Variants in SPAG16 observed in about 807,000 individuals in gnomAD.
SPAG16 encodes the protein sperm-associated antigen 16 protein.
A neutral mutation model predicts 80.4 loss-of-function variants in SPAG16; 86 were observed. The observed-to-expected ratio is 1.07, with a 90% CI of 0.90 to 1.28. The LOEUF (loss-of-function observed/expected upper bound fraction) is 1.28. Ranked by LOEUF, SPAG16 falls within the 50% of genes most tolerant of loss-of-function variation. The probability of loss-of-function intolerance (pLI) is 0.00; values close to 1 mark genes in which losing one functional copy is unlikely to be tolerated. For missense variants in SPAG16, 870 were observed against 765.3 expected, an observed-to-expected ratio of 1.14 and a Z score of -1.61; for synonymous variants, 294 against 265.9, an observed-to-expected ratio of 1.11 and a Z score of -1.03.
At chr2:213,351,520 A>G (rs1191724383) in intron 7 of SPAG16, among the ~76,000 whole-genome samples, 1 of 152,198 alleles carries the variant, frequency 6.6e-6, no homozygotes, top group Non-Finnish European at 1.5e-5. Context: ...TACCTTTGGC[A>G]TAAAAATTTA....
intron 15 of SPAG16, among the ~76,000 whole-genome samples, chr2:214,246,680 A>G (rs114619851): frequency 0.016 from 2,478 of 152,230 alleles, 41 homozygotes; most frequent in African/African-American, 0.037. Context: ...CTGCAGCCAC[A>G]GGAGAGACTT....
intron 11 of SPAG16, among the ~76,000 whole-genome samples, chr2:213,917,817 T>C (rs539661726): frequency 1.3e-5 from 2 of 152,144 alleles, no homozygotes; most frequent in East Asian, 1.9e-4. Context: ...TTTTGTAGAG[T>C]AGGGATGGTG....
At chr2:213,902,967 A>G (rs1002938998) in intron 11 of SPAG16, among the ~76,000 whole-genome samples, 2 of 152,216 alleles carry the variant, frequency 1.3e-5, no homozygotes, top group South Asian at 2.1e-4. Flanking sequence ...TAAAATGTCA[A>G]GATGATCTCC....
chr2:214,217,853 C>A (rs886086009), intron 15 of SPAG16, among the ~76,000 whole-genome samples: 1 of 152,158 alleles, frequency 6.6e-6, no homozygotes, highest in African/African-American at 2.4e-5. Flanking sequence ...GTTAGACATT[C>A]TGAAGTGCTT....
intron 15 of SPAG16, among the ~76,000 whole-genome samples, chr2:214,367,093 A>G (rs1699525730): frequency 6.6e-6 from 1 of 152,142 alleles, no homozygotes; most frequent in East Asian, 1.9e-4. Flanking sequence ...CAGGATTGGA[A>G]AGTTGGCAGA....
intron 5 of SPAG16, among the ~76,000 whole-genome samples, chr2:213,326,810 ATCAT>A (rs2063862349): frequency 6.6e-6 from 1 of 152,028 alleles, no homozygotes; most frequent in South Asian, 2.1e-4. Flanking sequence ...TTATTAAATG[ATCAT>A]TCAAAAATAC....
chr2:214,355,916 C>T (rs1348025893), intron 15 of SPAG16, among the ~76,000 whole-genome samples: 4 of 148,636 alleles, frequency 2.7e-5, no homozygotes, highest in East Asian at 4.0e-4. Context: ...AGTAAACTAT[C>T]GCAAGGACAA....
intron 3 of SPAG16, chr2:213,302,647 G>GTATGTGTGTGTGTGTA (rs34440269): frequency 6.7e-6 from 1 of 148,426 alleles, no homozygotes; most frequent in African/African-American, 2.5e-5. Context: ...GTGTGTGTGT[G>GTATGTGTGTGTGTGTA]TGTGTGTGTG....
rs918634541 is a variant in SPAG16 at position 213,560,067 on chromosome 2, A to C, written c.1070+69977A>C. Among the ~76,000 whole-genome samples the C allele has an allele frequency of 7.2e-5, 11 of 152,024 alleles. No individual in the cohort carries two copies. In the South Asian group the frequency reaches 1.0e-3, roughly 14 times the overall value. On this transcript the variant is annotated intron_variant, in intron 10 of 15. Coordinates refer to ENST00000331683, the MANE Select transcript of SPAG16 (RefSeq NM_024532.5). The stretch of plus-strand genomic sequence containing the variant: ...GCTCATATATTGTTTATATATTATA[A>C]ATATTGAATGCATTCACTCAGGAAA...
chr2:213,308,049 T>C (rs2126108429), intron 3 of SPAG16, among the ~76,000 whole-genome samples: 1 of 152,278 alleles, frequency 6.6e-6, no homozygotes, highest in South Asian at 2.1e-4. Flanking sequence ...TAGGTGAGAA[T>C]AGATCTGCTT....
rs142844613 is a variant in SPAG16, at chr2:213,358,084, C to A, written c.763-5992C>A. 3.9e-3 allele frequency among the ~76,000 whole-genome samples: 589 copies of A among 152,172 alleles called. 8 individuals are homozygous for A. The highest frequency in any genetic ancestry group is 0.017 in the Middle Eastern group (5 of 294). ...TCCTTTAAGAGTGTCGAATATTGGC[C>A]CCCACTCTCTTCTGGCTTGTAGGGT... On this transcript the variant is annotated intron_variant, in intron 7 of 15. Coordinates refer to ENST00000331683, the MANE Select transcript of SPAG16 (RefSeq NM_024532.5).
At chr2:213,815,624 C>G (rs549088987) in intron 10 of SPAG16, among the ~76,000 whole-genome samples, 1 of 152,032 alleles carries the variant, frequency 6.6e-6, no homozygotes, top group South Asian at 2.1e-4. Flanking sequence ...TACTCAGGGC[C>G]AAAGGGTATC....
chr2:213,496,319 C>T (rs992014105), intron 10 of SPAG16, among the ~76,000 whole-genome samples: 9 of 152,094 alleles, frequency 5.9e-5, no homozygotes, highest in African/African-American at 2.2e-4. Flanking sequence ...GGTTTTTGGC[C>T]TGAGAACAGG....
intron 9 of SPAG16, among the ~76,000 whole-genome samples, chr2:213,481,735 A>G (rs1247661466): frequency 6.6e-6 from 1 of 152,234 alleles, no homozygotes; most frequent in East Asian, 1.9e-4. Context: ...GGCACTGTGC[A>G]TAGTGAACAG....
intron 14 of SPAG16, among the ~76,000 whole-genome samples, chr2:214,113,301 G>T (rs1450449412): frequency 6.6e-6 from 1 of 152,058 alleles, no homozygotes; most frequent in Non-Finnish European, 1.5e-5. Flanking sequence ...GTGTCTTGGG[G>T]TTGCTCTTCT....
chr2:213,763,824 G>A (rs1402836210), intron 10 of SPAG16, among the ~76,000 whole-genome samples: 2 of 152,132 alleles, frequency 1.3e-5, no homozygotes, highest in Non-Finnish European at 2.9e-5. Context: ...ATTTTACCTG[G>A]CACAAGTTAC....
At chr2:213,653,838 A>G (rs1477298396) in intron 10 of SPAG16, among the ~76,000 whole-genome samples, 2 of 152,146 alleles carry the variant, frequency 1.3e-5, no homozygotes, top group African/African-American at 2.4e-5. Context: ...GATATATTCT[A>G]TATATAAAAC....
At chr2:213,849,019 C>G (rs910987054) in intron 10 of SPAG16, among the ~76,000 whole-genome samples, 3 of 152,030 alleles carry the variant, frequency 2.0e-5, no homozygotes, top group African/African-American at 4.8e-5. Context: ...TGCTATAAAG[C>G]AATACCTGAG....
At chr2:213,488,999 C>T (rs529320815) in intron 9 of SPAG16, among the ~76,000 whole-genome samples, 4 of 149,454 alleles carry the variant, frequency 2.7e-5, no homozygotes, top group Admixed American at 6.8e-5. Context: ...CGCCTGAATC[C>T]GGAAGGCGGA....
Sources: allele counts gnomAD v4.1 joint callset (sites outside exome capture counted in the v4.1 genomes callset), GRCh38; gene constraint gnomAD v4.1.1; transcripts MANE v1.5; gene names NCBI Gene and HGNC (gene_info 2026-07-23, HGNC 2026-07-21).